SLC25A42: variants seen among roughly 807,000 people sequenced by gnomAD.
SLC25A42 encodes solute carrier family 25 member 42, also known as mitochondrial coenzyme A transporter SLC25A42.
In SLC25A42, 19 loss-of-function variants were observed where a neutral mutation model predicts 34.7. That is an observed-to-expected ratio of 0.55 (90% CI 0.38 to 0.80). The LOEUF is 0.80. SLC25A42 is among the 30% of genes least tolerant of loss of function. The pLI, the probability that SLC25A42 is intolerant of heterozygous loss-of-function variation, is 0.00. For missense variants in SLC25A42, 364 were observed against 441.3 expected, an observed-to-expected ratio of 0.82 and a Z score of 1.57; for synonymous variants, 205 against 191.2, an observed-to-expected ratio of 1.07 and a Z score of -0.59.
At chr19:19,080,321 A>C (rs1006658288) in intron 1 of SLC25A42, among the ~76,000 whole-genome samples, 8 of 152,158 alleles carry the variant, frequency 5.3e-5, no homozygotes, top group Admixed American at 2.0e-4. Context: ...CTTGTGCCCC[A>C]GCAGTGACAT....
chr19:19,109,882 T>G lies in SLC25A42; in HGVS notation c.650-687T>G, dbSNP rs2059853473. Among the ~76,000 whole-genome samples the G allele has an allele frequency of 6.6e-6, 1 of 152,198 alleles. No individual in the cohort carries two copies. The highest frequency in any genetic ancestry group is 1.5e-5 in the Non-Finnish European group (1 of 68,048). ...AGGGTGAAGTTCATGGTCACTTATG[T>G]CCACTCTGTGCAACAGCTCGCAGGG... On this transcript the variant is annotated intron_variant, in intron 7 of 7. Transcript: ENST00000318596. The surrounding 1 kb of genome is among the most constrained non-coding windows in gnomAD (Gnocchi z 4.1).
chr19:19,095,967 GA>G (rs753639156), intron 1 of SLC25A42, 123 bp from the exon 2 acceptor site: 36 of 719,004 alleles, frequency 5.0e-5, no homozygotes, highest in Admixed American at 6.0e-5. Flanking sequence ...CGTGGCTGCG[GA>G]ATGCAGTTGA....
intron 1 of SLC25A42, among the ~76,000 whole-genome samples, chr19:19,076,618 T>C (rs1477177663): frequency 6.6e-6 from 1 of 152,236 alleles, no homozygotes; most frequent in East Asian, 1.9e-4. Context: ...TTGGCATCCA[T>C]TGGCCTGGGA....
rs558746834 is a variant in SLC25A42, at chr19:19,111,079, G to A, written c.*203G>A. The A allele has an allele frequency of 3.3e-5, 20 of 608,666 alleles. No homozygotes were observed. The highest frequency in any genetic ancestry group is 2.7e-4 in the Admixed American group (9 of 32,768). 37.7% of individuals were successfully genotyped at this position (608,666 alleles called of 1,614,324 possible). A position where few individuals can be genotyped will look rare whatever the true frequency, so the allele number is the denominator to read the frequency against. On this transcript the variant is annotated 3_prime_UTR_variant, in exon 8 of 8. Transcript: ENST00000318596. ...AGCCCTGGAAGTGCAGTGTTGGGGCGATGGTGTGGGGGGTCCCGCAGCTCC... is the reference window on the plus strand; with the variant it reads ...AGCCCTGGAAGTGCAGTGTTGGGGCAATGGTGTGGGGGGTCCCGCAGCTCC...
chr19:19,090,149 G>A (rs1431012144), intron 1 of SLC25A42, among the ~76,000 whole-genome samples: 1 of 152,138 alleles, frequency 6.6e-6, no homozygotes, highest in Non-Finnish European at 1.5e-5. Flanking sequence ...CCAAGTTTGG[G>A]TTTTGAAGCA....
At chr19:19,103,997 C>G (rs2059812478) in intron 3 of SLC25A42, among the ~76,000 whole-genome samples, 1 of 152,066 alleles carries the variant, frequency 6.6e-6, no homozygotes, top group Non-Finnish European at 1.5e-5. Flanking sequence ...ACCTCCACCT[C>G]CTGGATTTAA....
intron 4 of SLC25A42, 121 bp from the exon 5 acceptor site, chr19:19,105,440 G>A: frequency 8.3e-7 from 1 of 1,200,044 alleles, no homozygotes; most frequent in East Asian, 2.6e-5. Flanking sequence ...GTTATGTGCT[G>A]TGCATGGAGA....
At chr19:19,073,102 G>A (rs1367184322) in intron 1 of SLC25A42, among the ~76,000 whole-genome samples, 1 of 152,256 alleles carries the variant, frequency 6.6e-6, no homozygotes, top group East Asian at 1.9e-4. Context: ...ATGCTGCTGT[G>A]TGGCTATGAG....
intron 1 of SLC25A42, among the ~76,000 whole-genome samples, chr19:19,087,110 C>A (rs939268193): frequency 1.3e-5 from 2 of 152,136 alleles, no homozygotes; most frequent in African/African-American, 4.8e-5. Context: ...GACCTACAAT[C>A]TTCCCATTTC....
intron 1 of SLC25A42, among the ~76,000 whole-genome samples, chr19:19,077,394 CA>C (rs1170741273): frequency 6.6e-6 from 1 of 152,206 alleles, no homozygotes; most frequent in Non-Finnish European, 1.5e-5. Flanking sequence ...TGGCACCTGC[CA>C]TTCTACTTTC....
chr19:19,077,374 T>TC (rs1324521494), intron 1 of SLC25A42, among the ~76,000 whole-genome samples: 3 of 152,154 alleles, frequency 2.0e-5, no homozygotes, highest in Admixed American at 1.3e-4. Context: ...GTTCCCCTGC[T>TC]CCCAGCCCCT....
chr19:19,090,712 A>G (rs7259609), intron 1 of SLC25A42, among the ~76,000 whole-genome samples: 120,036 of 152,080 alleles, frequency 0.79, 47,662 homozygotes, highest in East Asian at 0.89. Context: ...CCTTGGGGGA[A>G]CTTAGCAAGG....
At chr19:19,094,505 C>A (rs2145914798) in intron 1 of SLC25A42, among the ~76,000 whole-genome samples, 1 of 152,282 alleles carries the variant, frequency 6.6e-6, no homozygotes, top group Admixed American at 6.5e-5. Context: ...TGACTGGCAC[C>A]TCCACGTACG....
intron 1 of SLC25A42, among the ~76,000 whole-genome samples, chr19:19,093,969 C>T (rs1317229189): frequency 6.6e-6 from 1 of 152,242 alleles, no homozygotes; most frequent in Non-Finnish European, 1.5e-5. Context: ...AGCCACTGCG[C>T]CCAGCCTGAT....
intron 1 of SLC25A42, among the ~76,000 whole-genome samples, chr19:19,087,881 G>A (rs1224543287): frequency 4.6e-5 from 7 of 152,216 alleles, no homozygotes; most frequent in African/African-American, 1.7e-4. Flanking sequence ...GAGGCTGTTG[G>A]CCTGGGGAAG....
Position 19,111,205 on chromosome 19 carries a change from C to A in SLC25A42, c.*329C>A. 2.6e-6 allele frequency: 1 copy of A among 384,310 alleles called. No individual in the cohort carries two copies. Among genetic ancestry groups the A allele is most frequent in the Non-Finnish European group, 4.8e-6 (1 of 209,564 alleles). The allele number at this position is 384,310 out of a possible 1,614,324, so 23.8% of individuals were successfully genotyped here. On this transcript the variant is annotated 3_prime_UTR_variant, in exon 8 of 8. Transcript: ENST00000318596. ...GCTCCACCTCCTGATCCTGTGTGTC[C>A]TCCGACATGCTGCTGATTCTAGTGA...
intron 7 of SLC25A42, 116 bp from the exon 8 acceptor site, chr19:19,110,453 G>A: frequency 1.3e-6 from 1 of 769,348 alleles, no homozygotes; most frequent in Non-Finnish European, 1.9e-6. Flanking sequence ...GGGGGTGCAA[G>A]TGCATGTGTG....
intron 2 of SLC25A42, among the ~76,000 whole-genome samples, chr19:19,100,125 T>C (rs2145919209): frequency 6.6e-6 from 1 of 151,986 alleles, no homozygotes; most frequent in Admixed American, 6.5e-5. Context: ...GCAGATCACT[T>C]GAGGCCAGGA....
chr19:19,074,160 A>G (rs1038406798), intron 1 of SLC25A42, among the ~76,000 whole-genome samples: 8 of 152,358 alleles, frequency 5.3e-5, no homozygotes, highest in African/African-American at 1.9e-4. Flanking sequence ...GACAGAGGAC[A>G]GCAATTGATC....
Sources: gnomAD v4.1 joint callset for allele counts (sites outside exome capture counted in the v4.1 genomes callset) on GRCh38, gnomAD v4.1.1 for gene constraint, Gnocchi (gnomAD v3.1) non-coding constraint, MANE v1.5 for transcripts, NCBI Gene and HGNC (gene_info 2026-07-23, HGNC 2026-07-21) for gene names.